The following PTPRT variants were observed in gnomAD, a reference collection of about 807,000 sequenced individuals.
PTPRT encodes protein tyrosine phosphatase receptor type T, also known as receptor-type tyrosine-protein phosphatase T.
Under a neutral mutation model 176.8 loss-of-function variants are expected in PTPRT, and 56 were observed. The observed-to-expected ratio is 0.32, with a 90% confidence interval of 0.26 to 0.40. The LOEUF (loss-of-function observed/expected upper bound fraction) is 0.40, where lower values mean the gene tolerates loss of function less well. Among genes scored for constraint, PTPRT ranks in the 10% least tolerant of loss-of-function variants. PTPRT has a pLI of 1.00. For missense variants in PTPRT, 1,540 were observed against 1,908.2 expected (o/e 0.81, Z 3.60); for synonymous variants, 783 against 739.0 (o/e 1.06, Z -0.96).
chr20:42,105,395 C>CCTAT lies in PTPRT; in HGVS notation c.3391-681_3391-678dup, dbSNP rs1220134307. ...GCTCCCAAAACGTGTCATATCTTCT[C>CCTAT]CTATCTCAATTCTTTGTACCTGCTG... On this transcript the variant is annotated intron_variant, in intron 24 of 30. Coordinates refer to ENST00000373187, the MANE Select transcript of PTPRT (RefSeq NM_007050.6). Among the ~76,000 whole-genome samples the CCTAT allele has an allele frequency of 2.0e-4, 30 of 152,288 alleles. No homozygotes were observed. The East Asian group carries it at 2.3e-3, about 12-fold the overall frequency.
In PTPRT at chr20:42,491,518, C is replaced by G. The variant is rs994586620; in HGVS notation, c.1154-18956G>C. On this transcript the variant is annotated intron_variant, in intron 7 of 30. Transcript: ENST00000373187. ...GGGAATACTGTGTCAAGAGGTGGAG[C>G]CTTTAGGGGTCCACCTTCAAAGATG... Among the ~76,000 whole-genome samples the G allele has an allele frequency of 2.0e-5, 3 of 152,098 alleles. 1 individual carries two copies. The highest frequency in any genetic ancestry group is 4.4e-5 in the Non-Finnish European group (3 of 68,016).
intron 1 of PTPRT, among the ~76,000 whole-genome samples, chr20:43,067,836 C>T (rs961028672): frequency 2.7e-5 from 4 of 147,080 alleles, no homozygotes; most frequent in African/African-American, 1.0e-4. Context: ...TATGGTGGCA[C>T]CCACCTGTAG....
chr20:43,089,552 A>G (rs1283557413), intron 1 of PTPRT, among the ~76,000 whole-genome samples: 5 of 152,272 alleles, frequency 3.3e-5, no homozygotes, highest in Admixed American at 3.3e-4. Context: ...AGACAATATC[A>G]TAAAATCACT....
At chr20:42,413,981 G>T (rs1046392391) in intron 9 of PTPRT, among the ~76,000 whole-genome samples, 1 of 152,142 alleles carries the variant, frequency 6.6e-6, no homozygotes, top group Non-Finnish European at 1.5e-5. Context: ...CTCCCGAGGA[G>T]CCACCATGCC....
intron 6 of PTPRT, among the ~76,000 whole-genome samples, chr20:42,694,627 T>G (rs75890241): frequency 4.6e-5 from 7 of 152,218 alleles, no homozygotes; most frequent in Non-Finnish European, 8.8e-5. Flanking sequence ...CCACAGCGGC[T>G]ACATCATTTT....
intron 4 of PTPRT, among the ~76,000 whole-genome samples, chr20:42,779,831 G>T (rs2077189008): frequency 7.1e-6 from 1 of 140,406 alleles, no homozygotes; most frequent in East Asian, 2.0e-4. Context: ...AATTTGCTCA[G>T]TGTTTTGGTG....
At chr20:43,169,040 G>A (rs750033472) in intron 1 of PTPRT, among the ~76,000 whole-genome samples, 12 of 152,220 alleles carry the variant, frequency 7.9e-5, no homozygotes, top group East Asian at 1.9e-4. Context: ...GCCAGAGTGC[G>A]CACCCCAGGT....
intron 13 of PTPRT, chr20:42,270,544 C>T: frequency 8.7e-7 from 1 of 1,150,700 alleles, no homozygotes; most frequent in South Asian, 1.4e-5. Flanking sequence ...GTGAACAAAA[C>T]TGCAATTCTT....
chr20:42,152,737 C>T (rs1031084355), intron 17 of PTPRT, among the ~76,000 whole-genome samples: 7 of 152,148 alleles, frequency 4.6e-5, no homozygotes, highest in Non-Finnish European at 8.8e-5. Flanking sequence ...CATGAGCTTC[C>T]GGGTGGCTGA....
At chr20:42,055,925 T>C in the PTPRT span, among the ~76,000 whole-genome samples, 1 of 152,108 alleles carries the variant, frequency 6.6e-6, no homozygotes, top group African/African-American at 2.4e-5. Context: ...TGTTCTCTTG[T>C]AGGGAGGTTA....
intron 2 of PTPRT, among the ~76,000 whole-genome samples, chr20:42,871,263 T>C (rs778554593): frequency 6.6e-6 from 1 of 151,936 alleles, no homozygotes; most frequent in Non-Finnish European, 1.5e-5. Context: ...TATTTTCATG[T>C]TTCTCACCAT....
At chr20:42,282,038 T>C (rs749339751) in intron 13 of PTPRT, among the ~76,000 whole-genome samples, 4 of 152,120 alleles carry the variant, frequency 2.6e-5, no homozygotes, top group Non-Finnish European at 5.9e-5. Context: ...TGTCTTCTCA[T>C]TACTAAAGGC....
chr20:42,708,641 T>C lies in PTPRT; in HGVS notation c.860-30482A>G, dbSNP rs191089136. ...TTGCATTTCCCGTAGGTCTCTGTCT[T>C]GGTCTTTCTCTTTCCATAGCTACCT... On this transcript the variant is annotated intron_variant, in intron 6 of 30. Coordinates refer to ENST00000373187, the MANE Select transcript of PTPRT (RefSeq NM_007050.6). 3.2e-3 allele frequency among the ~76,000 whole-genome samples: 488 copies of C among 152,342 alleles called. 1 individual carries two copies. The highest frequency in any genetic ancestry group is 0.011 in the African/African-American group (473 of 41,576).
At chr20:42,070,819 T>C (rs1342150778), downstream of PTPRT, among the ~76,000 whole-genome samples, 1 of 152,212 alleles carries the variant, frequency 6.6e-6, no homozygotes, top group South Asian at 2.1e-4. Context: ...ACTTTTATCA[T>C]AACACTTTAA....
At chr20:42,196,738 T>A (rs942404342) in intron 16 of PTPRT, among the ~76,000 whole-genome samples, 4 of 152,206 alleles carry the variant, frequency 2.6e-5, no homozygotes, top group African/African-American at 9.7e-5. Context: ...CAGTGATTTA[T>A]CTGGATTGAA....
chr20:42,901,455 C>T (rs1555802850), intron 1 of PTPRT, among the ~76,000 whole-genome samples: 1 of 152,084 alleles, frequency 6.6e-6, no homozygotes, highest in Non-Finnish European at 1.5e-5. Flanking sequence ...AAATGAAACA[C>T]TTGTGTATGT....
chr20:42,363,886 C>T (rs985830373), intron 9 of PTPRT, among the ~76,000 whole-genome samples: 3 of 152,054 alleles, frequency 2.0e-5, no homozygotes, highest in Non-Finnish European at 2.9e-5. Context: ...CTTTTGTCAT[C>T]ATGAAGAGTG....
At chr20:42,180,236 A>G (rs1990460120) in intron 16 of PTPRT, among the ~76,000 whole-genome samples, 1 of 152,170 alleles carries the variant, frequency 6.6e-6, no homozygotes, top group Non-Finnish European at 1.5e-5. Flanking sequence ...TATGGGTTCC[A>G]CTGGTTTTGA....
In PTPRT at chr20:43,047,686, A is replaced by AATGATGATGATG. The variant is rs3092428; in HGVS notation, c.88+141948_88+141959dup. Among the ~76,000 whole-genome samples the AATGATGATGATG allele has an allele frequency of 1.8e-4, 27 of 151,822 alleles. 1 individual carries two copies. The highest frequency in any genetic ancestry group is 3.4e-3 in the Middle Eastern group (1 of 292). On this transcript the variant is annotated intron_variant, in intron 1 of 30. Coordinates refer to ENST00000373187, the MANE Select transcript of PTPRT (RefSeq NM_007050.6). ...AGGACCTAGTCATGCTAATCATACT[A>AATGATGATGATG]ATGATGATGATGATGATGATGACAC...
Sources: allele counts gnomAD v4.1 joint callset (sites outside exome capture counted in the v4.1 genomes callset), GRCh38; gene constraint gnomAD v4.1.1; transcripts MANE v1.5; gene names NCBI Gene and HGNC (gene_info 2026-07-23, HGNC 2026-07-21).